The following VASP variants were observed in gnomAD, a reference collection of about 807,000 sequenced individuals.
VASP encodes vasodilator stimulated phosphoprotein.
VASP carries 27 observed loss-of-function variants against 54.4 expected under a neutral mutation model. The observed-to-expected ratio is 0.50, with a 90% CI of 0.37 to 0.68. The LOEUF (loss-of-function observed/expected upper bound fraction) is 0.68. Among genes scored for constraint, VASP ranks in the 30% least tolerant of loss-of-function variants. VASP has a pLI of 0.00. For synonymous variants in VASP, 233 were observed against 209.8 expected (o/e 1.11, Z -0.96); for missense variants, 488 against 528.3 (o/e 0.92, Z 0.75).
Position 45,522,158 on chromosome 19 carries a change from C to T in VASP, c.429-10C>T. On this transcript the variant is annotated splice_polypyrimidine_tract_variant and intron_variant, in intron 4 of 12. Transcript: ENST00000245932. ...CTGATTGACGGCAGCTCTCTCGCCT[C>T]CCCCCACAGGCAGCAGCCCGGCCCG... The T allele has an allele frequency of 3.1e-6, 5 of 1,613,450 alleles. No individual in the cohort carries two copies. The highest frequency in any genetic ancestry group is 4.5e-5 in the East Asian group (2 of 44,864).
intron 1 of VASP, among the ~76,000 whole-genome samples, chr19:45,515,156 G>A (rs1180438011): frequency 1.3e-5 from 2 of 152,112 alleles, no homozygotes; most frequent in African/African-American, 4.8e-5. Context: ...GACTTTCCCT[G>A]CCCTGACTTC....
intron 4 of VASP, 113 bp downstream of exon 4, chr19:45,521,519 C>A: frequency 2.1e-6 from 2 of 970,792 alleles, no homozygotes; most frequent in Non-Finnish European, 3.0e-6. Flanking sequence ...TCAGAATGTT[C>A]AAGAAACTTC....
At chr19:45,512,523 A>G (rs1234904941) in intron 1 of VASP, among the ~76,000 whole-genome samples, 2 of 151,820 alleles carry the variant, frequency 1.3e-5, no homozygotes, top group Admixed American at 1.3e-4. Context: ...CCTGACATCA[A>G]GAGGTCCGCC....
At position 45,526,201 on chromosome 19, in the gene VASP, TTCTCCTTTCCGCACACCCGGCCTGTCAC is replaced by T. The variant is rs1322735545; in HGVS notation, c.*25_*52del. 1 of 1,595,056 alleles carries T rather than the reference TTCTCCTTTCCGCACACCCGGCCTGTCAC, an allele frequency of 6.3e-7. No individual in the cohort carries two copies. Among genetic ancestry groups the T allele is most frequent in the Non-Finnish European group, 8.5e-7 (1 of 1,175,244 alleles). ...GACCACAGGGACCCAGAAGACCCGC[TTCTCCTTTCCGCACACCCGGCCTGTCAC>T]CCTGCTTTCCCTGCCTCTACTTGAC... On this transcript the variant is annotated 3_prime_UTR_variant, in exon 13 of 13. Transcript: ENST00000245932.
intron 1 of VASP, among the ~76,000 whole-genome samples, chr19:45,509,517 C>CCA (rs1968558000): frequency 6.6e-6 from 1 of 150,982 alleles, no homozygotes; most frequent in East Asian, 2.0e-4. Context: ...CCCTGTCCTC[C>CCA]CCACCACCAC....
intron 1 of VASP, among the ~76,000 whole-genome samples, chr19:45,512,561 T>G (rs2122289698): frequency 6.6e-6 from 1 of 151,758 alleles, no homozygotes; most frequent in East Asian, 2.0e-4. Flanking sequence ...GTGCTGGGAT[T>G]ACAGGCTTGA....
At chr19:45,508,405 C>T (rs1014623733) in intron 1 of VASP, among the ~76,000 whole-genome samples, 3 of 151,962 alleles carry the variant, frequency 2.0e-5, no homozygotes, top group African/African-American at 4.8e-5. Flanking sequence ...CTGGTGGGAC[C>T]CCCCCCTTCC....
chr19:45,518,519 G>T (rs1038149242), intron 3 of VASP, among the ~76,000 whole-genome samples: 2 of 152,194 alleles, frequency 1.3e-5, no homozygotes, highest in South Asian at 2.1e-4. Context: ...CCGAGATCAG[G>T]CCACTGCACT....
chr19:45,519,197 G>A (rs950260217), intron 3 of VASP, among the ~76,000 whole-genome samples: 1 of 152,112 alleles, frequency 6.6e-6, no homozygotes, highest in African/African-American at 2.4e-5. Flanking sequence ...TGTATCTTTA[G>A]TAGAGACAAG....
intron 1 of VASP, among the ~76,000 whole-genome samples, chr19:45,515,456 C>A (rs944000849): frequency 1.3e-5 from 2 of 152,122 alleles, no homozygotes; most frequent in African/African-American, 2.4e-5. Flanking sequence ...GTAGCTGTCC[C>A]GGGCCCCAGT....
intron 3 of VASP, 41 bp from the exon 4 acceptor site, chr19:45,521,281 T>C: frequency 6.6e-7 from 1 of 1,526,060 alleles, no homozygotes; most frequent in Non-Finnish European, 8.9e-7. Flanking sequence ...CTGAGCAGAG[T>C]TCTGGGACTG....
intron 11 of VASP, 194 bp from the exon 12 acceptor site, chr19:45,525,752 C>A: frequency 1.9e-6 from 1 of 531,414 alleles, no homozygotes; most frequent in South Asian, 2.8e-5. Flanking sequence ...GACTGTGGTC[C>A]CAGCTACTTG....
intron 1 of VASP, among the ~76,000 whole-genome samples, chr19:45,515,559 CAG>C (rs1447164722): frequency 6.6e-6 from 1 of 152,100 alleles, no homozygotes. Flanking sequence ...TTTTTTGAAA[CAG>C]AGTTTCACTC....
intron 7 of VASP, among the ~76,000 whole-genome samples, chr19:45,523,189 A>ATT (rs1568390471): frequency 0.016 from 1,664 of 106,912 alleles, 89 homozygotes; most frequent in South Asian, 0.04. Context: ...CAATCTCTTG[A>ATT]ATTTTTTTTT....
chr19:45,523,637 C>T lies in VASP; in HGVS notation c.822-7C>T, dbSNP rs773134011. On this transcript the variant is annotated splice_region_variant and splice_polypyrimidine_tract_variant and intron_variant, in intron 7 of 12. Coordinates refer to ENST00000245932, the MANE Select transcript of VASP (RefSeq NM_003370.4). ...GAAGCACGTGTTTTTGCTTTTCTCT[C>T]CTGCAGAAGGAAAGCCACGCAAGTT... 20 of 1,613,878 alleles carry T rather than the reference C, an allele frequency of 1.2e-5. No individual in the cohort carries two copies. The highest frequency in any genetic ancestry group is 3.3e-4 in the Middle Eastern group (2 of 6,084).
At position 45,507,485 on chromosome 19, in the gene VASP, G is replaced by GT. The variant is rs1375809255; in HGVS notation, c.-286dup. On this transcript the variant is annotated 5_prime_UTR_variant, in exon 1 of 13. Coordinates refer to ENST00000245932, the MANE Select transcript of VASP (RefSeq NM_003370.4). The surrounding 1 kb of genome is among the most constrained non-coding windows in gnomAD (Gnocchi z 4.4). ...AAATGTAACGAAGAGAAGTACAGTA[G>GT]TAAGAGTAACACTGTAGCCGCCACC... The GT allele has an allele frequency of 8.4e-6, 4 of 473,972 alleles. No individual in the cohort carries two copies. Among genetic ancestry groups the GT allele is most frequent in the Non-Finnish European group, 1.5e-5 (4 of 268,088 alleles). 29.4% of individuals were successfully genotyped at this position (473,972 alleles called of 1,614,324 possible). A position where few individuals can be genotyped will look rare whatever the true frequency, so the allele number is the denominator to read the frequency against.
intron 4 of VASP, among the ~76,000 whole-genome samples, chr19:45,521,853 C>T (rs1347674915): frequency 6.6e-6 from 1 of 151,618 alleles, no homozygotes; most frequent in Admixed American, 6.6e-5. Context: ...CGAGCCACTG[C>T]ACTCCAGCCT....
chr19:45,514,174 G>C (rs985627381), intron 1 of VASP, among the ~76,000 whole-genome samples: 2 of 152,162 alleles, frequency 1.3e-5, no homozygotes, highest in African/African-American at 4.8e-5. Context: ...ACAGGCCCGA[G>C]GCAGGAATGT....
chr19:45,509,960 T>G (rs1195008352), intron 1 of VASP, among the ~76,000 whole-genome samples: 1 of 152,084 alleles, frequency 6.6e-6, no homozygotes, highest in African/African-American at 2.4e-5. Context: ...TTACAAGATA[T>G]AGTTCTTTTT....
Sources: allele counts gnomAD v4.1 joint callset (sites outside exome capture counted in the v4.1 genomes callset), GRCh38; gene constraint gnomAD v4.1.1; non-coding constraint Gnocchi (gnomAD v3.1); transcripts MANE v1.5; gene names NCBI Gene and HGNC (gene_info 2026-07-23, HGNC 2026-07-21).